RBM46: variants seen among roughly 807,000 people sequenced by gnomAD.
RBM46 encodes RNA binding motif protein 46.
Under a neutral mutation model 43.3 loss-of-function variants are expected in RBM46, and 12 were observed. The ratio of observed to expected loss-of-function variants is 0.28; its 90% confidence interval spans 0.18 to 0.45. The LOEUF is 0.45. Among genes scored for constraint, RBM46 ranks in the 20% least tolerant of loss-of-function variants. The pLI, the probability that RBM46 is intolerant of heterozygous loss-of-function variation, is 1.00. For missense variants in RBM46, 412 were observed against 639.1 expected (o/e 0.64, Z 3.83); for synonymous variants, 205 against 207.6 (o/e 0.99, Z 0.11).
rs539673549 is a variant in RBM46 at position 154,803,905 on chromosome 4, C to T, written c.1402+4341C>T. Among the ~76,000 whole-genome samples, 4 of 151,928 alleles carry T rather than the reference C, an allele frequency of 2.6e-5. No individual in the cohort carries two copies. In the South Asian group the frequency reaches 6.3e-4, roughly 24 times the overall value. Reference sequence around the variant, plus strand: ...CTGGTGGGAGGTGATTGGATCATGGCGGTGGATTTCTCATGAATGGTTTAG... The same window carrying T: ...CTGGTGGGAGGTGATTGGATCATGGTGGTGGATTTCTCATGAATGGTTTAG... On this transcript the variant is annotated intron_variant, in intron 4 of 4. Coordinates refer to ENST00000281722, the MANE Select transcript of RBM46 (RefSeq NM_144979.5).
intron 4 of RBM46, among the ~76,000 whole-genome samples, chr4:154,826,101 G>T (rs550078776): frequency 2.0e-5 from 3 of 151,306 alleles, no homozygotes; most frequent in Admixed American, 2.0e-4. Context: ...GCCGGTAATG[G>T]TCCCGTTTAT....
chr4:154,795,897 T>G (rs1325552439), intron 1 of RBM46, among the ~76,000 whole-genome samples: 1 of 151,982 alleles, frequency 6.6e-6, no homozygotes, highest in Non-Finnish European at 1.5e-5. Context: ...GTGGCTCACA[T>G]CTATAACCCC....
intron 4 of RBM46, among the ~76,000 whole-genome samples, chr4:154,813,380 G>A (rs1254521165): frequency 2.0e-5 from 3 of 151,798 alleles, no homozygotes; most frequent in Non-Finnish European, 4.4e-5. Context: ...ATATAGACAG[G>A]GGCATATGGA....
chr4:154,806,648 CT>C (rs1277765041), intron 4 of RBM46, among the ~76,000 whole-genome samples: 4 of 151,286 alleles, frequency 2.6e-5, no homozygotes, highest in African/African-American at 9.7e-5. Flanking sequence ...AGCAGAACAG[CT>C]GGAAAAAAAA....
At chr4:154,804,635 TTAA>T (rs1432098638) in intron 4 of RBM46, among the ~76,000 whole-genome samples, 1 of 152,160 alleles carries the variant, frequency 6.6e-6, no homozygotes, top group African/African-American at 2.4e-5. Context: ...GCAAATAATT[TTAA>T]GCAGGGCATC....
intron 4 of RBM46, among the ~76,000 whole-genome samples, chr4:154,812,996 TCAGTGTATATAAAGC>T (rs1182250152): frequency 6.6e-6 from 1 of 152,206 alleles, no homozygotes; most frequent in East Asian, 1.9e-4. Context: ...TTTTCTTCCA[TCAGTGTATATAAAGC>T]CAGTGGACTG....
intron 4 of RBM46, among the ~76,000 whole-genome samples, chr4:154,809,886 AATTATG>A (rs1182892737): frequency 6.6e-6 from 1 of 152,130 alleles, no homozygotes. Flanking sequence ...GACAATTGGA[AATTATG>A]ATTAGGAAAA....
At chr4:154,824,401 A>G (rs1341650749) in intron 4 of RBM46, among the ~76,000 whole-genome samples, 1 of 152,118 alleles carries the variant, frequency 6.6e-6, no homozygotes, top group Non-Finnish European at 1.5e-5. Flanking sequence ...ATTTGTATAA[A>G]AGTGTTCATA....
intron 4 of RBM46, among the ~76,000 whole-genome samples, chr4:154,809,152 C>CT (rs1260429343): frequency 1.3e-5 from 2 of 151,870 alleles, no homozygotes; most frequent in Admixed American, 1.3e-4. Flanking sequence ...TGTTCTAAAA[C>CT]TCACTTTTAT....
intron 4 of RBM46, among the ~76,000 whole-genome samples, chr4:154,816,076 T>C (rs554703515): frequency 3.3e-5 from 5 of 152,276 alleles, no homozygotes; most frequent in Admixed American, 6.5e-5. Flanking sequence ...ATATGACTTA[T>C]TCTGGATATT....
At chr4:154,805,070 G>A (rs528018869) in intron 4 of RBM46, among the ~76,000 whole-genome samples, 3 of 152,080 alleles carry the variant, frequency 2.0e-5, no homozygotes, top group African/African-American at 7.2e-5. Context: ...GGCACAACAT[G>A]AGCAAACTCC....
chr4:154,801,464 C>T (rs1165369920), intron 4 of RBM46, among the ~76,000 whole-genome samples: 1 of 152,102 alleles, frequency 6.6e-6, no homozygotes, highest in Admixed American at 6.5e-5. Context: ...TAAAGACCAT[C>T]TAAGTTAAAG....
At chr4:154,824,615 G>T (rs908008699) in intron 4 of RBM46, among the ~76,000 whole-genome samples, 1 of 152,118 alleles carries the variant, frequency 6.6e-6, no homozygotes, top group African/African-American at 2.4e-5. Flanking sequence ...ACCGAAACAA[G>T]CTATTTGAGT....
intron 4 of RBM46, among the ~76,000 whole-genome samples, chr4:154,812,584 T>C (rs1213324468): frequency 1.3e-5 from 2 of 152,230 alleles, no homozygotes; most frequent in African/African-American, 2.4e-5. Context: ...GTACTCATTT[T>C]ACTCTGATTA....
chr4:154,798,740 C>G lies in RBM46; in HGVS notation c.620-42C>G, dbSNP rs1734467777. 4 of 1,334,426 alleles carry G rather than the reference C, an allele frequency of 3.0e-6. No homozygotes were observed. In the East Asian group the frequency reaches 1.1e-4, roughly 36 times the overall value. 82.7% of individuals were successfully genotyped at this position (1,334,426 alleles called of 1,614,324 possible). ...TTACTGAACATCTTTACCTTTTATT[C>G]TTTATTTTAATTCTCTTCAAATTAT... On this transcript the variant is annotated intron_variant, in intron 3 of 4. Coordinates refer to ENST00000281722, the MANE Select transcript of RBM46 (RefSeq NM_144979.5).
At chr4:154,812,985 T>A (rs999558250) in intron 4 of RBM46, among the ~76,000 whole-genome samples, 3 of 152,228 alleles carry the variant, frequency 2.0e-5, no homozygotes, top group East Asian at 3.8e-4. Context: ...TTACTCAAAA[T>A]TTTTCTTCCA....
At position 154,828,229 on chromosome 4, in the gene RBM46, G is replaced by A. The variant is rs1481281938; in HGVS notation, c.*162G>A. On this transcript the variant is annotated 3_prime_UTR_variant, in exon 5 of 5. Coordinates refer to ENST00000281722, the MANE Select transcript of RBM46 (RefSeq NM_144979.5). ...CAGCTATAATTCAGAATAACATGGAGTTGTAGAATTTATAAAAATGCAAAG... is the reference window on the plus strand; with the variant it reads ...CAGCTATAATTCAGAATAACATGGAATTGTAGAATTTATAAAAATGCAAAG... 1 of 608,600 alleles carries A rather than the reference G, an allele frequency of 1.6e-6. No homozygotes were observed. The highest frequency in any genetic ancestry group is 2.9e-6 in the Non-Finnish European group (1 of 348,060). 37.7% of individuals were successfully genotyped at this position (608,600 alleles called of 1,614,324 possible).
intron 4 of RBM46, among the ~76,000 whole-genome samples, chr4:154,802,140 G>A (rs1734666887): frequency 6.6e-6 from 1 of 152,150 alleles, no homozygotes; most frequent in Non-Finnish European, 1.5e-5. Flanking sequence ...CAAAGCCTGA[G>A]GTCTTGTCTA....
chr4:154,808,088 TAA>T (rs917949710), intron 4 of RBM46, among the ~76,000 whole-genome samples: 3 of 152,042 alleles, frequency 2.0e-5, no homozygotes, highest in African/African-American at 7.2e-5. Flanking sequence ...AAAAAGTATA[TAA>T]GAGTACAATC....
Sources: gnomAD v4.1 joint callset for allele counts (sites outside exome capture counted in the v4.1 genomes callset) on GRCh38, gnomAD v4.1.1 for gene constraint, MANE v1.5 for transcripts, NCBI Gene and HGNC (gene_info 2026-07-23, HGNC 2026-07-21) for gene names.